Variants in FAM20B observed in about 807,000 individuals in gnomAD.
FAM20B encodes the protein glycosaminoglycan xylosylkinase.
Under a neutral mutation model 43.8 loss-of-function variants are expected in FAM20B, and 23 were observed. The ratio of observed to expected loss-of-function variants is 0.53; its 90% CI spans 0.38 to 0.74. The LOEUF (loss-of-function observed/expected upper bound fraction) is 0.74. Ranked by LOEUF, FAM20B falls within the 30% of genes least tolerant of loss-of-function variation. FAM20B has a pLI of 0.00. For synonymous variants in FAM20B, 178 were observed against 192.4 expected (o/e 0.93, Z 0.62); for missense variants, 440 against 510.5 (o/e 0.86, Z 1.33).
At chr1:179,032,046 T>A (rs1650035349) in intron 1 of FAM20B, among the ~76,000 whole-genome samples, 1 of 152,198 alleles carries the variant, frequency 6.6e-6, no homozygotes, top group Non-Finnish European at 1.5e-5. Flanking sequence ...CTTATCTACC[T>A]CTCAAATTTA....
At chr1:179,037,933 G>A (rs1650318604) in intron 1 of FAM20B, among the ~76,000 whole-genome samples, 1 of 152,128 alleles carries the variant, frequency 6.6e-6, no homozygotes, top group African/African-American at 2.4e-5. Context: ...CTTGGATTGT[G>A]GGATTGGACC....
chr1:179,027,329 T>A (rs1649829862), intron 1 of FAM20B, among the ~76,000 whole-genome samples: 1 of 152,248 alleles, frequency 6.6e-6, no homozygotes, highest in Non-Finnish European at 1.5e-5. Context: ...TTACAAACAT[T>A]CCTTGAGTTT....
intron 4 of FAM20B, among the ~76,000 whole-genome samples, chr1:179,056,309 C>T (rs1351497108): frequency 6.6e-6 from 1 of 152,250 alleles, no homozygotes; most frequent in African/African-American, 2.4e-5. Flanking sequence ...CCACCCCTCT[C>T]TCCAATCCCC....
chr1:179,040,699 T>G (rs1199253015), intron 1 of FAM20B, among the ~76,000 whole-genome samples: 4 of 88,764 alleles, frequency 4.5e-5, no homozygotes, highest in Admixed American at 1.1e-4. Context: ...GCGGCTGGCC[T>G]GGCGGGGGCT....
intron 4 of FAM20B, among the ~76,000 whole-genome samples, chr1:179,062,948 A>G (rs6678090): frequency 0.47 from 70,971 of 151,940 alleles, 16,998 homozygotes; most frequent in African/African-American, 0.55. Context: ...TCTCAGCCCT[A>G]ATGAAGAAGA....
In FAM20B at chr1:179,044,223, C is replaced by T. The variant is rs776260489; in HGVS notation, c.376C>T (p.Arg126Trp). 8.1e-6 allele frequency: 13 copies of T among 1,597,870 alleles called. No individual in the cohort carries two copies. Among genetic ancestry groups the T allele is most frequent in the African/African-American group, 2.7e-5 (2 of 74,092 alleles). The change falls in exon 2 of 8, where the codon CGG (arginine) becomes TGG (tryptophan). Residue 126 changes from arginine (R) to tryptophan (W), a missense_variant and splice_region_variant. Coordinates refer to ENST00000263733, the MANE Select transcript of FAM20B (RefSeq NM_014864.4). ...GGQKVVFKPK[R>W]YSRDHVVEGE... ...CCAGAAAGTTGTTTTCAAACCTAAG[C>T]GGTAAGTTTTGATCTTGGAAGCTGC... is the stretch of plus-strand genomic sequence containing the variant.
At chr1:179,049,381 G>A (rs908668543) in intron 2 of FAM20B, among the ~76,000 whole-genome samples, 4 of 152,122 alleles carry the variant, frequency 2.6e-5, no homozygotes, top group South Asian at 2.1e-4. Context: ...CTTGTAGTAC[G>A]TCATCATAAA....
chr1:179,038,366 G>C (rs1650340325), intron 1 of FAM20B, among the ~76,000 whole-genome samples: 1 of 149,052 alleles, frequency 6.7e-6, no homozygotes, highest in Non-Finnish European at 1.5e-5. Flanking sequence ...AGCCGAGATT[G>C]CTCCATGGCA....
At chr1:179,025,590 C>A (rs888150253), upstream of FAM20B, among the ~76,000 whole-genome samples, 1 of 151,954 alleles carries the variant, frequency 6.6e-6, no homozygotes, top group Admixed American at 6.6e-5. Flanking sequence ...AAAGAGAAGA[C>A]GGGGTGGGGG....
Position 179,050,274 on chromosome 1 carries a change from T to C in FAM20B, c.378-5T>C. ...ATACATCTGTGCTTCCCATTCACTT[T>C]GCAGGTATAGCCGAGACCATGTGGT... On this transcript the variant is annotated splice_region_variant and splice_polypyrimidine_tract_variant and intron_variant, in intron 2 of 7. Transcript: ENST00000263733. 1.2e-6 allele frequency: 2 copies of C among 1,609,550 alleles called. No homozygotes were observed. The highest frequency in any genetic ancestry group is 2.2e-5 in the East Asian group (1 of 44,858).
intron 3 of FAM20B, among the ~76,000 whole-genome samples, chr1:179,051,472 C>A (rs1055535717): frequency 7.9e-5 from 12 of 151,606 alleles, no homozygotes; most frequent in Non-Finnish European, 1.5e-4. Flanking sequence ...TAAAAAAATA[C>A]AAAAATTAGC....
chr1:179,040,456 C>G (rs1650443378), intron 1 of FAM20B, among the ~76,000 whole-genome samples: 1 of 150,530 alleles, frequency 6.6e-6, no homozygotes, highest in Admixed American at 6.6e-5. Flanking sequence ...GCGCCCCTCA[C>G]CTCCCGGACG....
chr1:179,053,448 C>G lies in FAM20B; in HGVS notation c.465-1081C>G, dbSNP rs1392831505. 6.4e-5 allele frequency among the ~76,000 whole-genome samples: 3 copies of G among 47,194 alleles called. No homozygotes were observed. The East Asian group carries it at 9.9e-4, about 16-fold the overall frequency. The allele number at this position is 47,194 out of a possible 152,430, so 31.0% of individuals were successfully genotyped here. On this transcript the variant is annotated intron_variant, in intron 3 of 7. Coordinates refer to ENST00000263733, the MANE Select transcript of FAM20B (RefSeq NM_014864.4). ...GAGACTCAAAAACCAACCACCCAAA[C>G]AAACAAACAAACAAACAAACAAAAC...
chr1:179,048,910 T>G (rs946979465), intron 2 of FAM20B, among the ~76,000 whole-genome samples: 2 of 152,226 alleles, frequency 1.3e-5, no homozygotes, highest in African/African-American at 4.8e-5. Context: ...TTTATAGTAC[T>G]GTTTTCCACT....
At chr1:179,066,256 G>A (rs1430946695) in intron 6 of FAM20B, among the ~76,000 whole-genome samples, 1 of 152,160 alleles carries the variant, frequency 6.6e-6, no homozygotes, top group African/African-American at 2.4e-5. Flanking sequence ...TGCTGCTAAG[G>A]TAATTTTTGC....
chr1:179,075,897 A>T lies in FAM20B; in HGVS notation c.*3753A>T, dbSNP rs192735944. Reference sequence around the variant, plus strand: ...CACACCTCAATGATGGTAAAACAGCATCATCAGTAAGCTATCTTATATGCC... The same window carrying T: ...CACACCTCAATGATGGTAAAACAGCTTCATCAGTAAGCTATCTTATATGCC... On this transcript the variant is annotated 3_prime_UTR_variant, in exon 8 of 8. Coordinates refer to ENST00000263733, the MANE Select transcript of FAM20B (RefSeq NM_014864.4). 89 of 152,266 alleles carry T rather than the reference A, an allele frequency of 5.8e-4. No homozygotes were observed. Among genetic ancestry groups the T allele is most frequent in the African/African-American group, 2.0e-3 (84 of 41,552 alleles). The allele number at this position is 152,266 out of a possible 1,614,324, so 9.4% of individuals were successfully genotyped here.
chr1:179,023,032 G>C (rs563610638), upstream of FAM20B, among the ~76,000 whole-genome samples: 8 of 152,344 alleles, frequency 5.3e-5, no homozygotes, highest in African/African-American at 1.9e-4. Flanking sequence ...AGCCCCTTAG[G>C]TTGGAGGATA....
rs1651808944 is a variant in FAM20B at position 179,069,019 on chromosome 1, C to T, written c.998+2160C>T. 4.6e-5 allele frequency among the ~76,000 whole-genome samples: 7 copies of T among 152,356 alleles called. No individual in the cohort carries two copies. The South Asian group carries it at 1.2e-3, about 27-fold the overall frequency. The stretch of plus-strand genomic sequence containing the variant: ...AGAGAGAGAATCCAGTAGAAACCTT[C>T]TGTGCTGCAAGTGAGGCACACACGT... On this transcript the variant is annotated intron_variant, in intron 7 of 7. Transcript: ENST00000263733.
In FAM20B at chr1:179,054,743, G is replaced by T. The variant is rs1474938736; in HGVS notation, c.574+105G>T. 4 of 637,440 alleles carry T rather than the reference G, an allele frequency of 6.3e-6. No individual in the cohort carries two copies. The Admixed American group carries it at 1.1e-4, about 18-fold the overall frequency. 39.5% of individuals were successfully genotyped at this position (637,440 alleles called of 1,614,324 possible). On this transcript the variant is annotated intron_variant, in intron 4 of 7. Coordinates refer to ENST00000263733, the MANE Select transcript of FAM20B (RefSeq NM_014864.4). ...TGACTTTTAGGAATTGAAGAACTCA[G>T]TGGAATACAAAAGCAAATCAGACAA...
Sources: allele counts gnomAD v4.1 joint callset (sites outside exome capture counted in the v4.1 genomes callset), GRCh38; gene constraint gnomAD v4.1.1; transcripts MANE v1.5; gene names NCBI Gene and HGNC (gene_info 2026-07-23, HGNC 2026-07-21).